PTPRG: variants seen among roughly 807,000 people sequenced by gnomAD.
PTPRG encodes receptor-type tyrosine-protein phosphatase gamma.
PTPRG carries 102 observed loss-of-function variants against 165.3 expected under a neutral mutation model. The observed-to-expected ratio is 0.62, with a 90% CI of 0.53 to 0.73. The LOEUF is 0.73. Among genes scored for constraint, PTPRG ranks in the 30% least tolerant of loss-of-function variants. PTPRG has a pLI of 0.00. For synonymous variants in PTPRG, 675 were observed against 669.5 expected (o/e 1.01, Z -0.13); for missense variants, 1,866 against 1,861.4 (o/e 1.00, Z -0.05).
Position 62,255,697 on chromosome 3 carries a change from G to A in PTPRG, c.2559+482G>A, listed in dbSNP as rs2106987611. Reference sequence around the variant, plus strand: ...CCAGTTTTCCCATTTTTGAAAAATGGCACCAATGTCACCTACATTGTAACG... The same window carrying A: ...CCAGTTTTCCCATTTTTGAAAAATGACACCAATGTCACCTACATTGTAACG... On this transcript the variant is annotated intron_variant, in intron 16 of 29. Transcript: ENST00000474889. This position sits in a 1 kb window ranked among gnomAD's most constrained non-coding sequence, Gnocchi z 4.0. 6.6e-6 allele frequency among the ~76,000 whole-genome samples: 1 copy of A among 152,160 alleles called. No homozygotes were observed. The highest frequency in any genetic ancestry group is 2.4e-5 in the African/African-American group (1 of 41,510).
chr3:62,255,034 T>C lies in PTPRG; in HGVS notation c.2468-90T>C. The C allele has an allele frequency of 9.2e-7, 1 of 1,088,394 alleles. No homozygotes were observed. Among genetic ancestry groups the C allele is most frequent in the Non-Finnish European group, 1.3e-6 (1 of 747,782 alleles). 67.4% of individuals were successfully genotyped at this position (1,088,394 alleles called of 1,614,324 possible). Reference sequence around the variant, plus strand: ...TATTTTGCTCTTTGCAAAAATCAAGTATTTGTCTTAAGGATGCTTTGCTTT... The same window carrying C: ...TATTTTGCTCTTTGCAAAAATCAAGCATTTGTCTTAAGGATGCTTTGCTTT... On this transcript the variant is annotated intron_variant, in intron 15 of 29. Coordinates refer to ENST00000474889, the MANE Select transcript of PTPRG (RefSeq NM_002841.4). This position sits in a 1 kb window ranked among gnomAD's most constrained non-coding sequence, Gnocchi z 4.0.
intron 1 of PTPRG, among the ~76,000 whole-genome samples, chr3:61,603,964 A>T (rs941422009): frequency 1.3e-5 from 2 of 152,170 alleles, no homozygotes; most frequent in Non-Finnish European, 2.9e-5. Flanking sequence ...TTTCCAAATC[A>T]TGTCACATTC....
intron 28 of PTPRG, among the ~76,000 whole-genome samples, chr3:62,286,945 A>AAAAGT (rs1702686147): frequency 6.6e-6 from 1 of 152,134 alleles, no homozygotes; most frequent in South Asian, 2.1e-4. Context: ...GAAGATATTT[A>AAAAGT]AAAGTATCTG....
chr3:61,970,163 C>T (rs2040351459), intron 2 of PTPRG, among the ~76,000 whole-genome samples: 1 of 152,136 alleles, frequency 6.6e-6, no homozygotes, highest in African/African-American at 2.4e-5. Flanking sequence ...CCAATGTCAA[C>T]TCAAGTTAAT....
intron 2 of PTPRG, among the ~76,000 whole-genome samples, chr3:61,985,910 G>A (rs1318985332): frequency 6.6e-6 from 1 of 152,160 alleles, no homozygotes; most frequent in Non-Finnish European, 1.5e-5. Flanking sequence ...TCTCATATTT[G>A]CAGCTTATTT....
At chr3:62,257,172 A>C (rs1447272581) in intron 16 of PTPRG, among the ~76,000 whole-genome samples, 2 of 152,144 alleles carry the variant, frequency 1.3e-5, no homozygotes, top group African/African-American at 4.8e-5. Flanking sequence ...GAAAATAGAA[A>C]AGCTCACCAA....
chr3:62,120,805 G>A (rs11917047), intron 5 of PTPRG, among the ~76,000 whole-genome samples: 110,511 of 151,740 alleles, frequency 0.73, 40,472 homozygotes, highest in Non-Finnish European at 0.76. Context: ...GTAGACGATT[G>A]TGATTGACTG....
intron 4 of PTPRG, among the ~76,000 whole-genome samples, chr3:62,013,709 C>T (rs562698742): frequency 6.6e-6 from 1 of 151,718 alleles, no homozygotes; most frequent in African/African-American, 2.4e-5. Flanking sequence ...TAAAAATACA[C>T]ATATAGTAGT....
chr3:61,653,262 T>C (rs1422275496), intron 1 of PTPRG, among the ~76,000 whole-genome samples: 2 of 152,206 alleles, frequency 1.3e-5, no homozygotes, highest in Non-Finnish European at 2.9e-5. Flanking sequence ...ACTGATGTTA[T>C]GCAATCTACT....
intron 1 of PTPRG, among the ~76,000 whole-genome samples, chr3:61,691,157 A>G (rs530051749): frequency 6.6e-6 from 1 of 152,274 alleles, no homozygotes; most frequent in Admixed American, 6.5e-5. Flanking sequence ...TCATGCCTTT[A>G]GTCCCAGCAC....
At chr3:61,927,197 A>T (rs1474323802) in intron 2 of PTPRG, among the ~76,000 whole-genome samples, 1 of 152,066 alleles carries the variant, frequency 6.6e-6, no homozygotes, top group Non-Finnish European at 1.5e-5. Flanking sequence ...AAGCATAAAG[A>T]ACTTTTTTTT....
intron 12 of PTPRG, among the ~76,000 whole-genome samples, chr3:62,215,553 C>G (rs370247412): frequency 4.2e-5 from 6 of 142,170 alleles, no homozygotes; most frequent in African/African-American, 1.1e-4. Flanking sequence ...GGAACCCCCC[C>G]CCCCCGCCAA....
intron 2 of PTPRG, among the ~76,000 whole-genome samples, chr3:61,813,714 C>T (rs2035666685): frequency 6.6e-6 from 1 of 151,774 alleles, no homozygotes; most frequent in South Asian, 2.1e-4. Flanking sequence ...TTCCATGGAA[C>T]ATCTTGTTTG....
intron 1 of PTPRG, among the ~76,000 whole-genome samples, chr3:61,660,916 C>T (rs143986468): frequency 5.7e-4 from 86 of 152,182 alleles, no homozygotes; most frequent in African/African-American, 2.0e-3. Context: ...GCATGAGAAT[C>T]GCTTGAACCT....
chr3:61,868,131 C>T (rs1366531761), intron 2 of PTPRG, among the ~76,000 whole-genome samples: 2 of 152,174 alleles, frequency 1.3e-5, no homozygotes, highest in African/African-American at 2.4e-5. Context: ...AGGGAGAGGG[C>T]ATGTCTTGAG....
Position 61,915,128 on chromosome 3 carries a change from C to G in PTPRG, c.191-74497C>G, listed in dbSNP as rs561445485. Reference sequence around the variant, plus strand: ...CCTGTAGTCCCAGCTACTCAGGAGGCTGAGGCAGGAGAATCGCTTGAACCC... The same window carrying G: ...CCTGTAGTCCCAGCTACTCAGGAGGGTGAGGCAGGAGAATCGCTTGAACCC... On this transcript the variant is annotated intron_variant, in intron 2 of 29. Transcript: ENST00000474889. 8.5e-5 allele frequency among the ~76,000 whole-genome samples: 13 copies of G among 152,254 alleles called. No homozygotes were observed. In the South Asian group the frequency reaches 2.7e-3, roughly 32 times the overall value.
intron 10 of PTPRG, among the ~76,000 whole-genome samples, chr3:62,196,423 A>C (rs1699965361): frequency 6.6e-6 from 1 of 152,178 alleles, no homozygotes; most frequent in Non-Finnish European, 1.5e-5. Flanking sequence ...AAATATAATA[A>C]AATAGATACA....
intron 1 of PTPRG, among the ~76,000 whole-genome samples, chr3:61,630,313 T>C (rs1215436363): frequency 2.0e-5 from 3 of 152,258 alleles, no homozygotes; most frequent in African/African-American, 7.2e-5. Context: ...TGACTTGAGC[T>C]AACTTGCATG....
chr3:62,069,684 T>TCTCTCTCTCTCTCTCTCACACA lies in PTPRG; in HGVS notation c.520-8478_520-8477insTCTCTCTCTCTCTCTCACACAC, dbSNP rs542306888. On this transcript the variant is annotated intron_variant, in intron 4 of 29. Coordinates refer to ENST00000474889, the MANE Select transcript of PTPRG (RefSeq NM_002841.4). ...CTCTCTCTCTCTCTCTCTCTCTCTCTCACACACAGACACACGCACACACAC... is the reference window on the plus strand; with the variant it reads ...CTCTCTCTCTCTCTCTCTCTCTCTCTCTCTCTCTCTCTCTCTCACACACACACACAGACACACGCACACACAC... 9.0e-5 allele frequency among the ~76,000 whole-genome samples: 13 copies of TCTCTCTCTCTCTCTCTCACACA among 145,046 alleles called. No homozygotes were observed. The South Asian group carries it at 9.2e-4, about 10-fold the overall frequency.
Sources: allele counts gnomAD v4.1 joint callset (sites outside exome capture counted in the v4.1 genomes callset), GRCh38; gene constraint gnomAD v4.1.1; non-coding constraint Gnocchi (gnomAD v3.1); transcripts MANE v1.5; gene names NCBI Gene and HGNC (gene_info 2026-07-23, HGNC 2026-07-21).